CACNG4: variants seen among roughly 807,000 people sequenced by gnomAD.
CACNG4 encodes voltage-dependent calcium channel gamma-4 subunit.
A neutral mutation model predicts 22.9 loss-of-function variants in CACNG4; 8 were observed. The observed-to-expected ratio is 0.35, with a 90% CI of 0.21 to 0.63. The LOEUF (loss-of-function observed/expected upper bound fraction) is 0.63. Among genes scored for constraint, CACNG4 ranks in the 30% least tolerant of loss-of-function variants. CACNG4 has a pLI of 0.72. For synonymous variants in CACNG4, 188 were observed against 191.9 expected, an observed-to-expected ratio of 0.98 and a Z score of 0.17; for missense variants, 357 against 455.4, an observed-to-expected ratio of 0.78 and a Z score of 1.97.
At chr17:66,999,890 C>T (rs994274608) in intron 1 of CACNG4, among the ~76,000 whole-genome samples, 5 of 152,200 alleles carry the variant, frequency 3.3e-5, no homozygotes, top group African/African-American at 2.4e-5. Flanking sequence ...CGCGGCCTCC[C>T]GAGGGAAGGG....
intron 1 of CACNG4, among the ~76,000 whole-genome samples, chr17:66,968,030 C>A (rs752099826): frequency 2.6e-5 from 4 of 152,328 alleles, no homozygotes; most frequent in South Asian, 2.1e-4. Flanking sequence ...GTGTGCAGAG[C>A]CTTGTGCACA....
chr17:67,030,639 A>G lies in CACNG4; in HGVS notation c.619A>G (p.Ile207Val), dbSNP rs1284421377. The change falls in exon 4 of 4, where the codon ATT becomes GTT. Residue 207 changes from isoleucine (I) to valine (V), a missense_variant. Coordinates refer to ENST00000262138, the MANE Select transcript of CACNG4 (RefSeq NM_014405.4). This position sits in a 1 kb window ranked among gnomAD's most constrained non-coding sequence, Gnocchi z 6.4. ...TVGVLAVNIY[I>V]EKNKELRFKT... ...GGGCGTCCTGGCTGTAAACATTTAC[A>G]TTGAGAAAAATAAAGAGTTGAGGTT... is the stretch of plus-strand genomic sequence containing the variant. 2.5e-6 allele frequency: 4 copies of G among 1,614,226 alleles called. No individual in the cohort carries two copies. Among genetic ancestry groups the G allele is most frequent in the African/African-American group, 1.3e-5 (1 of 75,044 alleles).
chr17:67,025,824 C>T (rs2035561105), intron 3 of CACNG4, among the ~76,000 whole-genome samples: 1 of 152,262 alleles, frequency 6.6e-6, no homozygotes, highest in Non-Finnish European at 1.5e-5. Flanking sequence ...CCGTTCACAT[C>T]CTGGGACCCG....
At position 66,982,287 on chromosome 17, in the gene CACNG4, A is replaced by C. The variant is rs538200428; in HGVS notation, c.220+17156A>C. ...CGTTTTACAGCATGCTGATTGGTCC[A>C]TTTTACAGTGTTGATTGGTTCGTTT... is the stretch of plus-strand genomic sequence containing the variant. On this transcript the variant is annotated intron_variant, in intron 1 of 3. Transcript: ENST00000262138. Among the ~76,000 whole-genome samples, 55 of 151,842 alleles carry C rather than the reference A, an allele frequency of 3.6e-4. 1 individual carries two copies. Among genetic ancestry groups the C allele is most frequent in the Admixed American group, 3.3e-3 (51 of 15,286 alleles).
intron 1 of CACNG4, among the ~76,000 whole-genome samples, chr17:66,990,673 T>G (rs1480407870): frequency 1.4e-5 from 2 of 143,234 alleles, no homozygotes; most frequent in Admixed American, 6.9e-5. Flanking sequence ...TTATTTTATT[T>G]TATTTTATTT....
At chr17:66,989,102 A>G (rs922911106) in intron 1 of CACNG4, among the ~76,000 whole-genome samples, 1 of 150,128 alleles carries the variant, frequency 6.7e-6, no homozygotes, top group Non-Finnish European at 1.5e-5. Flanking sequence ...TTAAATGAGA[A>G]GAGAAACAGA....
At chr17:66,965,379 A>T (rs2035163155) in intron 1 of CACNG4, among the ~76,000 whole-genome samples, 1 of 148,632 alleles carries the variant, frequency 6.7e-6, no homozygotes, top group South Asian at 2.1e-4. Context: ...TCCCCAGCAC[A>T]CCGATCCCAC....
intron 1 of CACNG4, among the ~76,000 whole-genome samples, chr17:67,017,229 A>G (rs562350253): frequency 6.6e-5 from 10 of 151,984 alleles, no homozygotes; most frequent in Non-Finnish European, 1.2e-4. Context: ...AGTGCACCCC[A>G]CCACATTCAG....
intron 1 of CACNG4, among the ~76,000 whole-genome samples, chr17:67,009,515 G>A (rs1172157912): frequency 6.6e-6 from 1 of 152,082 alleles, no homozygotes; most frequent in East Asian, 1.9e-4. Context: ...ACCTCCCTGG[G>A]CCTTCCAACC....
chr17:66,995,037 C>T (rs981778973), intron 1 of CACNG4, among the ~76,000 whole-genome samples: 14 of 152,266 alleles, frequency 9.2e-5, no homozygotes, highest in Non-Finnish European at 1.3e-4. Flanking sequence ...AGTTTCCCCC[C>T]GGGCCAATTT....
rs541467137 is a variant in CACNG4, at chr17:66,984,855, C to T, written c.220+19724C>T. The stretch of plus-strand genomic sequence containing the variant: ...GAGTTTAGCCTCGAGCCTGAGCCTG[C>T]CTCAGGGTCCCCAGGGTTACCAGGC... On this transcript the variant is annotated intron_variant, in intron 1 of 3. Coordinates refer to ENST00000262138, the MANE Select transcript of CACNG4 (RefSeq NM_014405.4). This position sits in a 1 kb window ranked among gnomAD's most constrained non-coding sequence, Gnocchi z 4.0. Among the ~76,000 whole-genome samples, 1 of 152,256 alleles carries T rather than the reference C, an allele frequency of 6.6e-6. No individual in the cohort carries two copies. Among genetic ancestry groups the T allele is most frequent in the South Asian group, 2.1e-4 (1 of 4,822 alleles).
intron 1 of CACNG4, among the ~76,000 whole-genome samples, chr17:66,977,861 T>C (rs75635843): frequency 0.025 from 3,746 of 152,260 alleles, 52 homozygotes; most frequent in East Asian, 0.068. Flanking sequence ...GGGTATTTAC[T>C]CTCTGGTTCT....
intron 1 of CACNG4, among the ~76,000 whole-genome samples, chr17:67,008,337 G>A (rs1331674247): frequency 2.0e-5 from 3 of 152,166 alleles, no homozygotes; most frequent in South Asian, 2.1e-4. Flanking sequence ...AGGCCAGCCC[G>A]TAGGAGACCA....
rs1262838298 is a variant in CACNG4 at position 67,032,328 on chromosome 17, GGAA to G, written c.*1331_*1333del. ...AGAGCGTGGAGGCGTGTGCAGGCTT[GGAA>G]GAAGAACTCTCCAGAACATGGAACT... is the stretch of plus-strand genomic sequence containing the variant. On this transcript the variant is annotated 3_prime_UTR_variant, in exon 4 of 4. Transcript: ENST00000262138. The G allele has an allele frequency of 3.2e-5, 9 of 281,998 alleles. No homozygotes were observed. The highest frequency in any genetic ancestry group is 6.2e-5 in the Non-Finnish European group (9 of 145,170). The allele number at this position is 281,998 out of a possible 1,614,324, so 17.5% of individuals were successfully genotyped here.
At chr17:66,987,859 G>A (rs1193536820) in intron 1 of CACNG4, among the ~76,000 whole-genome samples, 1 of 151,944 alleles carries the variant, frequency 6.6e-6, no homozygotes, top group Non-Finnish European at 1.5e-5. Context: ...CGATCTCAGC[G>A]GTGCATTCAG....
intron 1 of CACNG4, among the ~76,000 whole-genome samples, chr17:66,972,405 A>G (rs1293477735): frequency 6.6e-6 from 1 of 152,178 alleles, no homozygotes; most frequent in Non-Finnish European, 1.5e-5. Context: ...GGTGTTTAGC[A>G]GCATACCTGG....
chr17:67,003,287 C>G (rs1167023636), intron 1 of CACNG4, among the ~76,000 whole-genome samples: 1 of 151,508 alleles, frequency 6.6e-6, no homozygotes, highest in Non-Finnish European at 1.5e-5. Flanking sequence ...GAATTAGGAC[C>G]CCAGATCATA....
rs58727233 is a variant in CACNG4, at chr17:67,002,618, TTCTCTC to T, written c.221-15548_221-15543del. Among the ~76,000 whole-genome samples, 604 of 145,532 alleles carry T rather than the reference TTCTCTC, an allele frequency of 4.2e-3. 5 individuals are homozygous for T. Among genetic ancestry groups the T allele is most frequent in the African/African-American group, 0.014 (576 of 39,956 alleles). On this transcript the variant is annotated intron_variant, in intron 1 of 3. Transcript: ENST00000262138. ...CTCTCTCCACCTCTCATCTCTCTCT[TTCTCTC>T]TCTCTCTCTCTCTCTCTCTCTCCAT...
chr17:66,996,891 G>A (rs1178322799), intron 1 of CACNG4, among the ~76,000 whole-genome samples: 1 of 152,174 alleles, frequency 6.6e-6, no homozygotes, highest in Non-Finnish European at 1.5e-5. Flanking sequence ...TCTTAGAAGG[G>A]GCAGCGCCTG....
Sources: gnomAD v4.1 joint callset for allele counts (sites outside exome capture counted in the v4.1 genomes callset) on GRCh38, gnomAD v4.1.1 for gene constraint, Gnocchi (gnomAD v3.1) non-coding constraint, MANE v1.5 for transcripts, NCBI Gene and HGNC (gene_info 2026-07-23, HGNC 2026-07-21) for gene names.